The following PCSK2 variants were observed in gnomAD, a reference collection of about 807,000 sequenced individuals.
The protein encoded by PCSK2 is neuroendocrine convertase 2.
PCSK2 carries 14 observed loss-of-function variants against 69.7 expected under a neutral mutation model. The observed-to-expected ratio is 0.20, with a 90% CI of 0.13 to 0.31. PCSK2 has a LOEUF of 0.31. Ranked by LOEUF, PCSK2 falls within the 10% of genes least tolerant of loss-of-function variation. The probability of loss-of-function intolerance (pLI) is 1.00; values close to 1 mark genes in which losing one functional copy is unlikely to be tolerated. For synonymous variants in PCSK2, 307 were observed against 320.7 expected (o/e 0.96, Z 0.46); for missense variants, 544 against 842.5 (o/e 0.65, Z 4.39).
At chr20:17,382,459 G>A (rs2031113691) in intron 5 of PCSK2, among the ~76,000 whole-genome samples, 1 of 152,056 alleles carries the variant, frequency 6.6e-6, no homozygotes, top group African/African-American at 2.4e-5. Context: ...CATTTAACCT[G>A]GCCCCCTCCA....
intron 4 of PCSK2, among the ~76,000 whole-genome samples, chr20:17,361,080 C>T (rs2123214847): frequency 6.6e-6 from 1 of 152,198 alleles, no homozygotes; most frequent in Non-Finnish European, 1.5e-5. Flanking sequence ...TATTTCAATT[C>T]CTCAATCACA....
At chr20:17,346,372 G>A (rs1191332762) in intron 2 of PCSK2, among the ~76,000 whole-genome samples, 1 of 152,170 alleles carries the variant, frequency 6.6e-6, no homozygotes, top group Non-Finnish European at 1.5e-5. Context: ...CACAGCTGGA[G>A]TGAAGAGGGA....
intron 5 of PCSK2, among the ~76,000 whole-genome samples, chr20:17,402,340 C>T (rs2031656322): frequency 6.6e-6 from 1 of 152,186 alleles, no homozygotes; most frequent in South Asian, 2.1e-4. Flanking sequence ...ATAATGGTGG[C>T]AATGAGGGCC....
rs370880940 is a variant in PCSK2, at chr20:17,317,626, G to A, written c.283-40701G>A. ...CAATACAACTCCCCCAATCCCTCCA[G>A]CATCCTTTTTGGACATTTTCATTCC... is the stretch of plus-strand genomic sequence containing the variant. On this transcript the variant is annotated intron_variant, in intron 2 of 11. Coordinates refer to ENST00000262545, the MANE Select transcript of PCSK2 (RefSeq NM_002594.5). Among the ~76,000 whole-genome samples, 5 of 152,206 alleles carry A rather than the reference G, an allele frequency of 3.3e-5. No homozygotes were observed. The East Asian group carries it at 7.7e-4, about 23-fold the overall frequency.
chr20:17,382,559 T>C (rs2031117318), intron 5 of PCSK2, among the ~76,000 whole-genome samples: 1 of 152,006 alleles, frequency 6.6e-6, no homozygotes, highest in African/African-American at 2.4e-5. Context: ...CCCTTCTTTT[T>C]CCCCTCAGCC....
chr20:17,431,078 A>G (rs1450062295), intron 7 of PCSK2, among the ~76,000 whole-genome samples: 2 of 152,162 alleles, frequency 1.3e-5, no homozygotes, highest in Non-Finnish European at 2.9e-5. Flanking sequence ...AACCTGAGAC[A>G]AGGATTCCGG....
At chr20:17,324,697 G>A (rs1328106195) in intron 2 of PCSK2, among the ~76,000 whole-genome samples, 1 of 152,116 alleles carries the variant, frequency 6.6e-6, no homozygotes, top group Non-Finnish European at 1.5e-5. Context: ...TAACCAGTAT[G>A]TACCCTCCTG....
chr20:17,368,711 G>A (rs568875306), intron 4 of PCSK2, among the ~76,000 whole-genome samples: 1 of 152,246 alleles, frequency 6.6e-6, no homozygotes, highest in African/African-American at 2.4e-5. Flanking sequence ...CAAGCCTCAG[G>A]CTTCCTGGAA....
intron 2 of PCSK2, among the ~76,000 whole-genome samples, chr20:17,311,310 G>A (rs971975073): frequency 2.0e-5 from 3 of 151,922 alleles, no homozygotes; most frequent in African/African-American, 7.3e-5. Context: ...TCCTGTTTCC[G>A]AAAAAAATTC....
chr20:17,327,288 A>G (rs1990086764), intron 2 of PCSK2, among the ~76,000 whole-genome samples: 1 of 152,110 alleles, frequency 6.6e-6, no homozygotes, highest in African/African-American at 2.4e-5. Flanking sequence ...TCCCTTGTAA[A>G]TGCTGTGTCA....
At chr20:17,324,728 G>A (rs74358402) in intron 2 of PCSK2, among the ~76,000 whole-genome samples, 9,962 of 152,168 alleles carry the variant, frequency 0.065, 550 homozygotes, top group South Asian at 0.28. Flanking sequence ...AAGACTTACA[G>A]CCTGAGAAGG....
chr20:17,449,540 G>GTATGTATGTATATATATATATATATATA (rs1568655123), intron 8 of PCSK2, among the ~76,000 whole-genome samples: 1 of 40,694 alleles, frequency 2.5e-5, no homozygotes, highest in African/African-American at 1.0e-4. Flanking sequence ...ATATATATAT[G>GTATGTATGTATATATATATATATATATA]TATATTTGAG....
Position 17,483,109 on chromosome 20 carries a change from C to A in PCSK2, c.*1039C>A, listed in dbSNP as rs1365196468. On this transcript the variant is annotated 3_prime_UTR_variant, in exon 12 of 12. Transcript: ENST00000262545. ...TATAATGGAAGAGAAATCTCATACT[C>A]CCCCACAGTTTGATGTCATTAATGT... 6.6e-6 allele frequency: 1 copy of A among 151,768 alleles called. No individual in the cohort carries two copies. Among genetic ancestry groups the A allele is most frequent in the Non-Finnish European group, 1.5e-5 (1 of 67,988 alleles). The allele number at this position is 151,768 out of a possible 1,614,324, so 9.4% of individuals were successfully genotyped here.
In PCSK2 at chr20:17,480,941, G is replaced by C. The variant is rs575214515; in HGVS notation, c.1431-643G>C. Among the ~76,000 whole-genome samples, 3 of 152,310 alleles carry C rather than the reference G, an allele frequency of 2.0e-5. No individual in the cohort carries two copies. In the South Asian group the frequency reaches 6.2e-4, roughly 32 times the overall value. On this transcript the variant is annotated intron_variant, in intron 11 of 11. Transcript: ENST00000262545. ...GGGAGGAAGCCCAGGGGGAACACGG[G>C]GAGATTCTCGTGCCTGGGGTGGGAA...
intron 1 of PCSK2, among the ~76,000 whole-genome samples, chr20:17,251,130 A>G (rs904060735): frequency 2.0e-5 from 3 of 152,138 alleles, no homozygotes; most frequent in Admixed American, 6.6e-5. Context: ...TATCAGATCC[A>G]TAATGCTTCC....
intron 2 of PCSK2, among the ~76,000 whole-genome samples, chr20:17,356,569 G>A (rs1448623242): frequency 3.3e-5 from 5 of 152,092 alleles, no homozygotes; most frequent in Admixed American, 6.6e-5. Context: ...TCTTCCTGCT[G>A]TCATTCTCGA....
At chr20:17,297,671 G>A (rs570306416) in intron 2 of PCSK2, among the ~76,000 whole-genome samples, 14 of 152,258 alleles carry the variant, frequency 9.2e-5, no homozygotes, top group African/African-American at 3.1e-4. Flanking sequence ...GAGTCATCAG[G>A]GTTATCCTCT....
intron 2 of PCSK2, among the ~76,000 whole-genome samples, chr20:17,308,583 A>G (rs1229900976): frequency 6.6e-6 from 1 of 152,192 alleles, no homozygotes; most frequent in Non-Finnish European, 1.5e-5. Flanking sequence ...TCAAGTAGCT[A>G]TTGTTGCATA....
intron 4 of PCSK2, among the ~76,000 whole-genome samples, chr20:17,365,472 C>G (rs1306484866): frequency 6.6e-6 from 1 of 152,130 alleles, no homozygotes; most frequent in African/African-American, 2.4e-5. Context: ...AAATTTGTGT[C>G]CTTCACATAC....
Sources: allele counts gnomAD v4.1 joint callset (sites outside exome capture counted in the v4.1 genomes callset), GRCh38; gene constraint gnomAD v4.1.1; transcripts MANE v1.5; gene names NCBI Gene and HGNC (gene_info 2026-07-23, HGNC 2026-07-21).